The following ENTREP1 variants were observed in gnomAD, a reference collection of about 807,000 sequenced individuals.
ENTREP1 encodes the protein endosomal transmembrane epsin interactor 1.
the ENTREP1 span, chr9:69,391,475 G>A: frequency 4.3e-6 from 3 of 703,130 alleles, no homozygotes; most frequent in African/African-American, 4.8e-5. Flanking sequence ...TTGGGAAAAT[G>A]CCTTTTTTTT....
At chr9:69,392,353 C>G in the ENTREP1 span, 1 of 156,236 alleles carries the variant, frequency 6.4e-6, no homozygotes, top group African/African-American at 2.4e-5. Flanking sequence ...AATTTTAATG[C>G]CAGACATTTA....
At chr9:69,379,320 A>G in the ENTREP1 span, among the ~76,000 whole-genome samples, 9 of 152,184 alleles carry the variant, frequency 5.9e-5, no homozygotes, top group African/African-American at 9.6e-5. Context: ...TCCCTCAGTT[A>G]TACCTGAACC....
chr9:69,368,904 A>G, the ENTREP1 span, among the ~76,000 whole-genome samples: 2 of 152,044 alleles, frequency 1.3e-5, no homozygotes, highest in Non-Finnish European at 1.5e-5. Flanking sequence ...TTACATAGGT[A>G]TACACATGCC....
chr9:69,387,728 T>C, the ENTREP1 span: 1 of 387,090 alleles, frequency 2.6e-6, no homozygotes, highest in Non-Finnish European at 4.8e-6. Flanking sequence ...TGACAAGTCT[T>C]GTCTCTCTTC....
chr9:69,387,675 G>T, the ENTREP1 span: 1 of 321,984 alleles, frequency 3.1e-6, no homozygotes, highest in South Asian at 2.7e-5. Flanking sequence ...GAGGACGTTT[G>T]GGACAAAGGT....
chr9:69,377,804 G>A, the ENTREP1 span: 7 of 1,524,894 alleles, frequency 4.6e-6, no homozygotes, highest in Non-Finnish European at 6.2e-6. Context: ...GAAGACTGAA[G>A]TGTCTCCAGA....
At chr9:69,325,670 CT>C in the ENTREP1 span, 1 of 1,231,442 alleles carries the variant, frequency 8.1e-7, no homozygotes, top group Non-Finnish European at 1.0e-6. Context: ...GGCGCTGTCG[CT>C]GAGCAGCTCC....
At chr9:69,388,518 C>G in the ENTREP1 span, 2 of 1,252,200 alleles carry the variant, frequency 1.6e-6, no homozygotes, top group South Asian at 3.1e-5. Flanking sequence ...AGTGGCTTCT[C>G]CGCTTTCTTG....
the ENTREP1 span, among the ~76,000 whole-genome samples, chr9:69,384,337 A>C: frequency 6.6e-6 from 1 of 152,220 alleles, no homozygotes; most frequent in African/African-American, 2.4e-5. Context: ...TATAAATGGG[A>C]GAAAATATGT....
At chr9:69,384,616 T>A in the ENTREP1 span, among the ~76,000 whole-genome samples, 4 of 152,234 alleles carry the variant, frequency 2.6e-5, no homozygotes, top group Non-Finnish European at 4.4e-5. Context: ...TTTTCAGTAC[T>A]GCAGTAAGTA....
At chr9:69,365,992 C>T in the ENTREP1 span, among the ~76,000 whole-genome samples, 6 of 152,036 alleles carry the variant, frequency 3.9e-5, no homozygotes, top group Non-Finnish European at 7.4e-5. Context: ...ATAAACATAA[C>T]GGTGCAGGAA....
chr9:69,362,050 G>A, the ENTREP1 span, among the ~76,000 whole-genome samples: 1 of 152,096 alleles, frequency 6.6e-6, no homozygotes, highest in Non-Finnish European at 1.5e-5. Context: ...ACCTATTAGT[G>A]AATAGGTTTT....
the ENTREP1 span, among the ~76,000 whole-genome samples, chr9:69,354,182 A>G: frequency 1.3e-5 from 2 of 151,118 alleles, no homozygotes; most frequent in African/African-American, 4.9e-5. Context: ...CCCACATTGC[A>G]CTTAGCTGAT....
the ENTREP1 span, among the ~76,000 whole-genome samples, chr9:69,348,845 A>G: frequency 1.3e-5 from 2 of 152,046 alleles, no homozygotes; most frequent in East Asian, 3.8e-4. Flanking sequence ...ATCACATTTT[A>G]TTTATTTATT....
the ENTREP1 span, chr9:69,375,709 A>AC: frequency 6.6e-7 from 1 of 1,511,570 alleles, no homozygotes; most frequent in East Asian, 2.3e-5. Flanking sequence ...TAATTAAAGT[A>AC]TTTTTTTTTA....
chr9:69,328,463 AC>A, the ENTREP1 span, among the ~76,000 whole-genome samples: 1 of 152,124 alleles, frequency 6.6e-6, no homozygotes. Flanking sequence ...CCCGCATTTT[AC>A]CCTTCACCCA....
chr9:69,375,942 C>G, the ENTREP1 span: 1 of 1,481,474 alleles, frequency 6.8e-7, no homozygotes. Flanking sequence ...TTGAAATATT[C>G]CTGTTCTATT....
At chr9:69,345,342 G>C in the ENTREP1 span, among the ~76,000 whole-genome samples, 2 of 152,230 alleles carry the variant, frequency 1.3e-5, no homozygotes, top group Non-Finnish European at 1.5e-5. Flanking sequence ...TGATGGAGAA[G>C]AAAGAGTATA....
chr9:69,378,008 CTCTG>C, the ENTREP1 span, among the ~76,000 whole-genome samples: 98 of 130,768 alleles, frequency 7.5e-4, 6 homozygotes, highest in East Asian at 0.022. Context: ...TTTCTATTCT[CTCTG>C]TCTCTCTCTC....
Sources: allele counts gnomAD v4.1 joint callset (sites outside exome capture counted in the v4.1 genomes callset), GRCh38; gene constraint gnomAD v4.1.1; transcripts MANE v1.5; gene names NCBI Gene and HGNC (gene_info 2026-07-23, HGNC 2026-07-21).